CACNA1C: variants seen among roughly 807,000 people sequenced by gnomAD.
The protein encoded by CACNA1C is calcium voltage-gated channel subunit alpha1 C.
CACNA1C carries 30 observed loss-of-function variants against 229.0 expected under a neutral mutation model. That is an observed-to-expected ratio of 0.13 (90% confidence interval 0.10 to 0.18). The LOEUF (loss-of-function observed/expected upper bound fraction) is 0.18. Among genes scored for constraint, CACNA1C ranks in the 10% least tolerant of loss-of-function variants. The probability of loss-of-function intolerance (pLI) is 1.00; values close to 1 mark genes in which losing one functional copy is unlikely to be tolerated. For missense variants in CACNA1C, 1,658 were observed against 2,845.0 expected (o/e 0.58, Z 9.49); for synonymous variants, 1,114 against 1,132.5 (o/e 0.98, Z 0.33).
In CACNA1C at chr12:1,972,205, C is replaced by T. The variant is rs116058252; in HGVS notation, c.139+1004C>T. 2.7e-3 allele frequency among the ~76,000 whole-genome samples: 416 copies of T among 152,270 alleles called. 1 individual carries two copies. The highest frequency in any genetic ancestry group is 9.6e-3 in the African/African-American group (400 of 41,556). ...CTCTTCTGGGCATCTAAGGATAAAC[C>T]AAAATTTAAAATTCCTTCAAACTCC... On this transcript the variant is annotated intron_variant, in intron 1 of 46. Coordinates refer to the CACNA1C transcript ENST00000682462.
chr12:2,363,127 C>G (rs903115176), intron 3 of CACNA1C, among the ~76,000 whole-genome samples: 1 of 152,144 alleles, frequency 6.6e-6, no homozygotes, highest in Non-Finnish European at 1.5e-5. Context: ...GAACACTCCC[C>G]TCACCCAAGA....
In CACNA1C at chr12:2,115,224, G is replaced by C. The variant is rs747083495; in HGVS notation, c.50G>C (p.Gly17Ala). ...TGTGTTCTTTTCTCTTTTGCCACAG[G>C]TTCCAACTATGGGAGCCCACGCCCC... is the stretch of plus-strand genomic sequence containing the variant. ...RMYIPEENHQ[G>A]SNYGSPRPAH... Residue 17 changes from glycine to alanine, a missense_variant and splice_region_variant, in exon 2 of 47, where the codon GGT becomes GCT. Coordinates refer to ENST00000399655, the MANE Select transcript of CACNA1C (RefSeq NM_000719.7). The C allele has an allele frequency of 1.3e-6, 2 of 1,556,458 alleles. No individual in the cohort carries two copies. Among genetic ancestry groups the C allele is most frequent in the Non-Finnish European group, 1.7e-6 (2 of 1,149,756 alleles).
chr12:2,535,001 G>A (rs895431872), intron 9 of CACNA1C, among the ~76,000 whole-genome samples: 2 of 152,180 alleles, frequency 1.3e-5, no homozygotes, highest in Non-Finnish European at 2.9e-5. Flanking sequence ...CTGATACATG[G>A]GAGAGGGAAG....
At chr12:2,438,846 C>T (rs772125218) in intron 3 of CACNA1C, among the ~76,000 whole-genome samples, 1 of 152,070 alleles carries the variant, frequency 6.6e-6, no homozygotes, top group African/African-American at 2.4e-5. Context: ...AGACAGGATC[C>T]TGTTCCCTGG....
intron 9 of CACNA1C, among the ~76,000 whole-genome samples, chr12:2,531,296 G>C (rs1275269736): frequency 6.6e-6 from 1 of 152,144 alleles, no homozygotes; most frequent in East Asian, 1.9e-4. Flanking sequence ...TAACCCCCCA[G>C]AATCATGAGC....
chr12:2,081,978 T>G (rs977537042), intron 1 of CACNA1C, among the ~76,000 whole-genome samples: 3 of 151,938 alleles, frequency 2.0e-5, no homozygotes, highest in African/African-American at 7.3e-5. Flanking sequence ...CCATTTAATC[T>G]CACAGCAACC....
At chr12:2,445,193 G>T (rs1040680395) in intron 3 of CACNA1C, among the ~76,000 whole-genome samples, 1 of 151,950 alleles carries the variant, frequency 6.6e-6, no homozygotes, top group Non-Finnish European at 1.5e-5. Context: ...TCTTCACCTG[G>T]ACAACTCTTC....
intron 3 of CACNA1C, among the ~76,000 whole-genome samples, chr12:2,444,108 A>C (rs114547920): frequency 0.014 from 2,185 of 152,206 alleles, 47 homozygotes; most frequent in African/African-American, 0.049. Context: ...ACCCTTAAAC[A>C]ATCAGGCATG....
chr12:2,643,369 C>T (rs2093962482), intron 30 of CACNA1C, among the ~76,000 whole-genome samples: 1 of 152,214 alleles, frequency 6.6e-6, no homozygotes, highest in Non-Finnish European at 1.5e-5. Flanking sequence ...TCCTCCATCA[C>T]TTCTGTCTCT....
rs369254461 is a variant in CACNA1C, at chr12:2,679,698, C to T, written c.5346C>T (p.Ala1782=). 2.4e-5 allele frequency: 38 copies of T among 1,611,710 alleles called. 1 individual carries two copies. In the Admixed American group the frequency reaches 2.5e-4, roughly 11 times the overall value. ...NTALGRLPRP[A]GYPSTVSTVE... ...CCCTGGGTCGCCTCCCTCGCCCCGC[C>T]GGCTACCCCAGCACGGTCAGCACTG... Residue 1782 remains alanine (A), a synonymous_variant, in exon 42 of 47, where the codon GCC becomes GCT. Transcript: ENST00000399655. This position sits in a 1 kb window ranked among gnomAD's most constrained non-coding sequence, Gnocchi z 5.5.
chr12:2,481,377 G>A (rs1421247811), intron 5 of CACNA1C, among the ~76,000 whole-genome samples: 1 of 152,204 alleles, frequency 6.6e-6, no homozygotes, highest in Non-Finnish European at 1.5e-5. Context: ...TTTTTAAGGA[G>A]AAACAGTGTG....
chr12:2,470,103 A>G (rs1006144486), intron 5 of CACNA1C, among the ~76,000 whole-genome samples: 4 of 152,186 alleles, frequency 2.6e-5, no homozygotes, highest in African/African-American at 9.6e-5. Flanking sequence ...CCCTGGGCAA[A>G]TGCCACTCTT....
intron 29 of CACNA1C, among the ~76,000 whole-genome samples, chr12:2,629,855 T>A (rs1359160666): frequency 6.6e-6 from 1 of 152,226 alleles, no homozygotes; most frequent in African/African-American, 2.4e-5. Context: ...AACAATTTGG[T>A]GACCATTTTC....
Position 2,566,572 on chromosome 12 carries a change from A to C in CACNA1C, c.1659A>C (p.Thr553=). The C allele has an allele frequency of 1.3e-6, 2 of 1,597,758 alleles. No individual in the cohort carries two copies. Among genetic ancestry groups the C allele is most frequent in the East Asian group, 2.3e-5 (1 of 43,936 alleles). Residue 553 remains threonine (T), a synonymous_variant, in exon 12 of 47, where the codon ACA becomes ACC. Coordinates refer to ENST00000399655, the MANE Select transcript of CACNA1C (RefSeq NM_000719.7). The surrounding 1 kb of genome is among the most constrained non-coding windows in gnomAD (Gnocchi z 4.0). ...ACTACAACCAGCCCAACTGGCTCAC[A>C]GAAGTCCAAGGTGAGCGGCGGCCCC... ...SEHYNQPNWL[T]EVQDTANKAL... is the part of the protein sequence containing the mutation.
chr12:2,153,868 A>G (rs1163784630), intron 3 of CACNA1C, among the ~76,000 whole-genome samples: 3 of 152,232 alleles, frequency 2.0e-5, no homozygotes, highest in African/African-American at 7.2e-5. Flanking sequence ...CTGAAATATT[A>G]ACTGTCTCAG....
At position 2,566,692 on chromosome 12, in the gene CACNA1C, CG is replaced by C. The variant is rs2051105197; in HGVS notation, c.1669+114del. 4.3e-6 allele frequency: 4 copies of C among 934,400 alleles called. No homozygotes were observed. The highest frequency in any genetic ancestry group is 6.3e-6 in the Non-Finnish European group (4 of 630,116). The allele number at this position is 934,400 out of a possible 1,614,324, so 57.9% of individuals were successfully genotyped here. On this transcript the variant is annotated intron_variant, in intron 12 of 46. Coordinates refer to ENST00000399655, the MANE Select transcript of CACNA1C (RefSeq NM_000719.7). This position sits in a 1 kb window ranked among gnomAD's most constrained non-coding sequence, Gnocchi z 4.0. ...GGTGGAGGGGAAAGCAGCCAATGGT[CG>C]GGGCTCTTGGCAGGTGCTGTGCTGG...
intron 3 of CACNA1C, among the ~76,000 whole-genome samples, chr12:2,320,890 C>G (rs1054303659): frequency 6.6e-6 from 1 of 152,124 alleles, no homozygotes; most frequent in African/African-American, 2.4e-5. Flanking sequence ...ACCTATGGCT[C>G]GGGGATAGTC....
At chr12:2,218,082 A>C (rs2060443472) in intron 3 of CACNA1C, among the ~76,000 whole-genome samples, 1 of 152,180 alleles carries the variant, frequency 6.6e-6, no homozygotes, top group Admixed American at 6.5e-5. Flanking sequence ...CCTTGGCAAC[A>C]CCAGATTCTT....
At chr12:2,473,141 C>A (rs1213961065) in intron 5 of CACNA1C, among the ~76,000 whole-genome samples, 2 of 152,210 alleles carry the variant, frequency 1.3e-5, no homozygotes, top group Non-Finnish European at 2.9e-5. Flanking sequence ...GCTTTTTCCC[C>A]AGCACTGATT....
Sources: allele counts gnomAD v4.1 joint callset (sites outside exome capture counted in the v4.1 genomes callset), GRCh38; gene constraint gnomAD v4.1.1; non-coding constraint Gnocchi (gnomAD v3.1); transcripts MANE v1.5; gene names NCBI Gene and HGNC (gene_info 2026-07-23, HGNC 2026-07-21).